Variants in MFSD1 observed in about 807,000 individuals in gnomAD.
MFSD1 encodes lysosomal dipeptide transporter MFSD1.
In MFSD1, 59 loss-of-function variants were observed where a neutral mutation model predicts 67.1. The ratio of observed to expected loss-of-function variants is 0.88; its 90% CI spans 0.71 to 1.09. The LOEUF (loss-of-function observed/expected upper bound fraction) is 1.09, where lower values mean the gene tolerates loss of function less well. MFSD1 is among the 50% of genes least tolerant of loss of function. The pLI is 0.00. For missense variants in MFSD1, 552 were observed against 566.1 expected, an observed-to-expected ratio of 0.97 and a Z score of 0.25; for synonymous variants, 213 against 200.3, an observed-to-expected ratio of 1.06 and a Z score of -0.54.
At chr3:158,805,770 TCTCATCTTC>T (rs1024424513) in intron 3 of MFSD1, among the ~76,000 whole-genome samples, 1 of 152,228 alleles carries the variant, frequency 6.6e-6, no homozygotes, top group African/African-American at 2.4e-5. Flanking sequence ...GTTGCCACTT[TCTCATCTTC>T]CTGGCTGTTC....
rs563767495 is a variant in MFSD1, at chr3:158,816,426, G to A, written c.652+2359G>A. On this transcript the variant is annotated intron_variant, in intron 7 of 15. Coordinates refer to ENST00000415822, the MANE Select transcript of MFSD1 (RefSeq NM_022736.4). ...CCAGTGATGATGAGCATTTTTTCAT[G>A]TGTCTTTTGGCTGCATAAATGTCTT... Among the ~76,000 whole-genome samples, 21 of 152,214 alleles carry A rather than the reference G, an allele frequency of 1.4e-4. No individual in the cohort carries two copies. In the East Asian group the frequency reaches 3.7e-3, roughly 27 times the overall value.
chr3:158,809,316 C>A, intron 6 of MFSD1, 29 bp downstream of exon 6: 1 of 1,341,102 alleles, frequency 7.5e-7, no homozygotes, highest in Non-Finnish European at 1.0e-6. Context: ...CTGATGAAGC[C>A]AAATGGAAGC....
rs947427991 is a variant in MFSD1, at chr3:158,802,268, T to C, written c.116T>C (p.Leu39Pro). 1.2e-6 allele frequency: 2 copies of C among 1,611,500 alleles called. No individual in the cohort carries two copies. Among genetic ancestry groups the C allele is most frequent in the East Asian group, 2.2e-5 (1 of 44,796 alleles). Residue 39 changes from leucine to proline, a missense_variant, in exon 1 of 16, where the codon CTG becomes CCG. By Grantham distance (98) the Leu-to-Pro change is moderately conservative (BLOSUM62 -3). Coordinates refer to ENST00000415822, the MANE Select transcript of MFSD1 (RefSeq NM_022736.4). Reference protein sequence around the residue: ...ALPALCDPSRLAHRLLVLLLM... With the variant: ...ALPALCDPSRPAHRLLVLLLM... ...CCGGCCCTCTGCGACCCCAGTCGCC[T>C]GGCGCACCGGCTTTTGGTGCTGTTA...
At chr3:158,823,808 T>C (rs1870830) in intron 12 of MFSD1, among the ~76,000 whole-genome samples, 28,265 of 152,144 alleles carry the variant, frequency 0.19, 2,993 homozygotes, top group Middle Eastern at 0.31. Context: ...TGAGTCCAGT[T>C]CCTGGCACAG....
At chr3:158,827,862 C>T (rs1576919053) in intron 15 of MFSD1, among the ~76,000 whole-genome samples, 1 of 145,156 alleles carries the variant, frequency 6.9e-6, no homozygotes, top group Middle Eastern at 3.5e-3. Context: ...AAAAATAATT[C>T]AATTTAAGTT....
rs978146814 is a variant in MFSD1 at position 158,807,591 on chromosome 3, A to C, written c.440+128A>C. The C allele has an allele frequency of 5.5e-6, 4 of 723,412 alleles. No individual in the cohort carries two copies. The African/African-American group carries it at 7.1e-5, about 13-fold the overall frequency. 44.8% of individuals were successfully genotyped at this position (723,412 alleles called of 1,614,324 possible). A position where few individuals can be genotyped will look rare whatever the true frequency, so the allele number is the denominator to read the frequency against. ...ATCTTTGAAACCTAGCTTCATATGC[A>C]TAAGAGTATTTCTTAGTTGTCTTAG... On this transcript the variant is annotated intron_variant, in intron 5 of 15. Transcript: ENST00000415822.
Position 158,814,936 on chromosome 3 carries a change from G to A in MFSD1, c.652+869G>A, listed in dbSNP as rs971118653. On this transcript the variant is annotated intron_variant, in intron 7 of 15. Coordinates refer to ENST00000415822, the MANE Select transcript of MFSD1 (RefSeq NM_022736.4). ...GTCTCTACTAAAAATACAAAAATTA[G>A]CTGGGCGTGGTGGCACATGCCTGTA... is the stretch of plus-strand genomic sequence containing the variant. Among the ~76,000 whole-genome samples the A allele has an allele frequency of 2.4e-4, 36 of 152,158 alleles. 1 individual carries two copies. The highest frequency in any genetic ancestry group is 6.8e-3 in the Middle Eastern group (2 of 294).
intron 1 of MFSD1, 27 bp downstream of exon 1, chr3:158,802,342 G>C (rs760795613): frequency 1.9e-6 from 3 of 1,609,574 alleles, no homozygotes; most frequent in Non-Finnish European, 2.5e-6. Flanking sequence ...GGTTGGGGCT[G>C]ATCTTTAAGG....
chr3:158,819,599 T>A (rs1730560930), intron 7 of MFSD1, 50 bp from the exon 8 acceptor site: 2 of 1,090,588 alleles, frequency 1.8e-6, no homozygotes, highest in Admixed American at 2.4e-5. Context: ...AACCTTCTGT[T>A]TGGTTCTCTT....
In MFSD1 at chr3:158,829,678, T is replaced by C. The variant is rs1248580279; in HGVS notation, c.*696T>C. 1 of 152,268 alleles carries C rather than the reference T, an allele frequency of 6.6e-6. No homozygotes were observed. The highest frequency in any genetic ancestry group is 1.9e-4 in the East Asian group (1 of 5,206). 9.4% of individuals were successfully genotyped at this position (152,268 alleles called of 1,614,324 possible). On this transcript the variant is annotated 3_prime_UTR_variant, in exon 16 of 16. Transcript: ENST00000415822. ...AAAGTGTCCTTCAAATTATGATAAT[T>C]GCCTATGTACATGGATAAATTAAAA... is the stretch of plus-strand genomic sequence containing the variant.
At chr3:158,825,077 T>C (rs1180116849) in intron 13 of MFSD1, 1 of 152,210 alleles carries the variant, frequency 6.6e-6, no homozygotes, top group East Asian at 1.9e-4. Flanking sequence ...TGTGGTTAAA[T>C]GTCAGTCCAC....
chr3:158,826,453 A>T (rs1730968599), intron 14 of MFSD1, among the ~76,000 whole-genome samples: 1 of 151,984 alleles, frequency 6.6e-6, no homozygotes, highest in African/African-American at 2.4e-5. Context: ...TTTGGTTTAG[A>T]ATTAGAAATT....
At chr3:158,822,187 G>A (rs1333058750) in intron 11 of MFSD1, 47 bp downstream of exon 11, 1 of 1,557,870 alleles carries the variant, frequency 6.4e-7, no homozygotes, top group Admixed American at 1.7e-5. Context: ...TCAGCAAGGA[G>A]TCTGTCATGT....
intron 6 of MFSD1, among the ~76,000 whole-genome samples, chr3:158,810,758 C>T (rs1394210427): frequency 6.6e-6 from 1 of 152,180 alleles, no homozygotes. Context: ...ATAGTACAGG[C>T]TATTATTACT....
intron 9 of MFSD1, 45 bp downstream of exon 9, chr3:158,820,371 T>C (rs1242086105): frequency 7.7e-7 from 1 of 1,306,800 alleles, no homozygotes; most frequent in Admixed American, 1.7e-5. Flanking sequence ...TAAATTATCA[T>C]GAGAGTTCAA....
intron 12 of MFSD1, 106 bp from the exon 13 acceptor site, chr3:158,824,018 C>T (rs1730826738): frequency 1.2e-6 from 1 of 833,290 alleles, no homozygotes; most frequent in Admixed American, 2.3e-5. Context: ...CATCTCTGAA[C>T]ACAAATAGTA....
intron 12 of MFSD1, 89 bp downstream of exon 12, chr3:158,823,614 C>T (rs1730794060): frequency 2.0e-6 from 2 of 975,740 alleles, no homozygotes; most frequent in South Asian, 2.6e-5. Context: ...ATCTAGTCGT[C>T]ATCCAGCCTC....
chr3:158,809,514 GA>G (rs1461635233), intron 6 of MFSD1, among the ~76,000 whole-genome samples: 1 of 152,028 alleles, frequency 6.6e-6, no homozygotes, highest in Non-Finnish European at 1.5e-5. Context: ...TTAGTTCAAA[GA>G]ATCTGAGCAT....
chr3:158,829,283 G>T lies in MFSD1; in HGVS notation c.*301G>T, dbSNP rs982171421. The T allele has an allele frequency of 1.7e-5, 4 of 240,924 alleles. No homozygotes were observed. Among genetic ancestry groups the T allele is most frequent in the Non-Finnish European group, 3.2e-5 (4 of 126,834 alleles). 14.9% of individuals were successfully genotyped at this position (240,924 alleles called of 1,614,324 possible). A position where few individuals can be genotyped will look rare whatever the true frequency, so the allele number is the denominator to read the frequency against. On this transcript the variant is annotated 3_prime_UTR_variant, in exon 16 of 16. Transcript: ENST00000415822. ...AGACAGTGAAAAATGGAAAACGTTGGAGCTTCTGTTGAGATAATCTTCATT... is the reference window on the plus strand; with the variant it reads ...AGACAGTGAAAAATGGAAAACGTTGTAGCTTCTGTTGAGATAATCTTCATT...
Sources: gnomAD v4.1 joint callset for allele counts (sites outside exome capture counted in the v4.1 genomes callset) on GRCh38, gnomAD v4.1.1 for gene constraint, MANE v1.5 for transcripts, NCBI Gene and HGNC (gene_info 2026-07-23, HGNC 2026-07-21) for gene names.